Variants in KCNK2 observed in about 807,000 individuals in gnomAD.
KCNK2 encodes potassium channel subfamily K member 2.
A neutral mutation model predicts 40.5 loss-of-function variants in KCNK2; 21 were observed. The observed-to-expected ratio is 0.52, with a 90% CI of 0.37 to 0.75. KCNK2 has a LOEUF of 0.75. KCNK2 is among the 30% of genes least tolerant of loss of function. KCNK2 has a pLI of 0.00. For missense variants in KCNK2, 399 were observed against 531.6 expected (o/e 0.75, Z 2.45); for synonymous variants, 191 against 202.2 (o/e 0.94, Z 0.47).
At chr1:215,190,322 G>A (rs1490652182) in intron 5 of KCNK2, among the ~76,000 whole-genome samples, 1 of 152,134 alleles carries the variant, frequency 6.6e-6, no homozygotes, top group Non-Finnish European at 1.5e-5. Context: ...GAACCTTGAG[G>A]AGAAGAGGCA....
chr1:215,044,560 A>G (rs1657677123), intron 1 of KCNK2, among the ~76,000 whole-genome samples: 1 of 152,150 alleles, frequency 6.6e-6, no homozygotes, highest in East Asian at 1.9e-4. Context: ...GATATTTCCT[A>G]TTAGGGTGCA....
At chr1:215,073,956 A>G (rs1042786986) in intron 1 of KCNK2, among the ~76,000 whole-genome samples, 4 of 152,156 alleles carry the variant, frequency 2.6e-5, no homozygotes, top group African/African-American at 9.7e-5. Context: ...GCGGGATTTT[A>G]ATGAGAAATT....
intron 6 of KCNK2, among the ~76,000 whole-genome samples, chr1:215,215,853 G>A (rs922118347): frequency 6.6e-6 from 1 of 152,150 alleles, no homozygotes; most frequent in Non-Finnish European, 1.5e-5. Flanking sequence ...GTAAGCCCCT[G>A]CACTCTTCTG....
chr1:215,156,776 A>G (rs1662949706), intron 3 of KCNK2, among the ~76,000 whole-genome samples: 1 of 152,176 alleles, frequency 6.6e-6, no homozygotes, highest in African/African-American at 2.4e-5. Flanking sequence ...GGAGAGAGCT[A>G]TAGAGAAAGG....
chr1:215,203,894 C>T (rs562850301), intron 6 of KCNK2, among the ~76,000 whole-genome samples: 78 of 151,848 alleles, frequency 5.1e-4, no homozygotes, highest in Non-Finnish European at 6.9e-4. Flanking sequence ...AAAAATTAGC[C>T]GGGTGCGGTG....
At chr1:215,206,840 T>G (rs1665332104) in intron 6 of KCNK2, among the ~76,000 whole-genome samples, 1 of 152,198 alleles carries the variant, frequency 6.6e-6, no homozygotes, top group Admixed American at 6.5e-5. Context: ...TGAAACAGAT[T>G]ATAACTTTAT....
At chr1:215,044,319 G>A (rs1657668723) in intron 1 of KCNK2, among the ~76,000 whole-genome samples, 1 of 152,142 alleles carries the variant, frequency 6.6e-6, no homozygotes, top group Middle Eastern at 3.4e-3. Context: ...TAGGAATTCC[G>A]GTGGTGAAGA....
intron 2 of KCNK2, among the ~76,000 whole-genome samples, chr1:215,090,676 A>G (rs1475638950): frequency 1.3e-5 from 2 of 152,192 alleles, no homozygotes; most frequent in Non-Finnish European, 2.9e-5. Context: ...ATAGAGTGAA[A>G]TCTATGATCT....
At chr1:215,007,173 G>GTA (rs1451275644) in intron 1 of KCNK2, among the ~76,000 whole-genome samples, 4,867 of 76,656 alleles carry the variant, frequency 0.063, 689 homozygotes, top group African/African-American at 0.23. Flanking sequence ...ATATATATAT[G>GTA]TATGTGTGTG....
At chr1:215,190,293 C>A (rs781565612) in intron 5 of KCNK2, among the ~76,000 whole-genome samples, 2 of 152,002 alleles carry the variant, frequency 1.3e-5, no homozygotes, top group Non-Finnish European at 2.9e-5. Context: ...GTCCTCAGAC[C>A]CACGTGGTTT....
At chr1:215,007,202 T>A (rs1292603167) in intron 1 of KCNK2, among the ~76,000 whole-genome samples, 1 of 55,288 alleles carries the variant, frequency 1.8e-5, no homozygotes, top group Non-Finnish European at 3.4e-5. Flanking sequence ...TATATATATA[T>A]ATATATATAT....
intron 5 of KCNK2, among the ~76,000 whole-genome samples, chr1:215,184,815 G>A (rs1429786785): frequency 6.6e-6 from 1 of 152,082 alleles, no homozygotes; most frequent in Non-Finnish European, 1.5e-5. Flanking sequence ...AACCATATCA[G>A]TGTTATTTTA....
At chr1:215,117,634 C>T (rs1661005458) in intron 2 of KCNK2, among the ~76,000 whole-genome samples, 2 of 152,110 alleles carry the variant, frequency 1.3e-5, no homozygotes, top group South Asian at 4.1e-4. Flanking sequence ...ATTTTATATG[C>T]TTCAGCCTAG....
chr1:215,076,458 G>A (rs12134532), intron 1 of KCNK2, among the ~76,000 whole-genome samples: 12,013 of 152,208 alleles, frequency 0.079, 522 homozygotes, highest in Middle Eastern at 0.15. Context: ...CTTGACTGGA[G>A]AAGGACCTGC....
chr1:215,031,324 C>T (rs547786540), intron 1 of KCNK2, among the ~76,000 whole-genome samples: 1 of 152,296 alleles, frequency 6.6e-6, no homozygotes, highest in East Asian at 1.9e-4. Context: ...GAAGGACTGA[C>T]ATCTTGACTA....
intron 3 of KCNK2, among the ~76,000 whole-genome samples, chr1:215,141,886 T>G (rs924053571): frequency 6.6e-6 from 1 of 152,166 alleles, no homozygotes; most frequent in Admixed American, 6.5e-5. Flanking sequence ...TACATTATAG[T>G]TTCAGCTATT....
chr1:215,128,282 A>C (rs531817239), intron 3 of KCNK2, among the ~76,000 whole-genome samples: 34 of 152,266 alleles, frequency 2.2e-4, no homozygotes, highest in African/African-American at 7.5e-4. Context: ...TCAGAGGTAA[A>C]AGACAGTGTG....
chr1:215,023,345 C>T (rs1656878362), intron 1 of KCNK2, among the ~76,000 whole-genome samples: 1 of 152,130 alleles, frequency 6.6e-6, no homozygotes, highest in South Asian at 2.1e-4. Context: ...GACAGAGAAC[C>T]CTGCCATATA....
intron 2 of KCNK2, among the ~76,000 whole-genome samples, chr1:215,102,663 A>G (rs1199747773): frequency 6.6e-6 from 1 of 152,020 alleles, no homozygotes; most frequent in Non-Finnish European, 1.5e-5. Flanking sequence ...AACAACTTTC[A>G]GTCCTGCAAA....
Sources: gnomAD v4.1 joint callset for allele counts (sites outside exome capture counted in the v4.1 genomes callset) on GRCh38, gnomAD v4.1.1 for gene constraint, MANE v1.5 for transcripts, NCBI Gene and HGNC (gene_info 2026-07-23, HGNC 2026-07-21) for gene names.